Variants in GAN observed in about 807,000 individuals in gnomAD.
GAN encodes the protein epididymis secretory sperm binding protein.
In GAN, 48 loss-of-function variants were observed where a neutral mutation model predicts 71.3. The ratio of observed to expected loss-of-function variants is 0.67; its 90% confidence interval spans 0.53 to 0.86. The LOEUF (loss-of-function observed/expected upper bound fraction) is 0.86. Ranked by LOEUF, GAN falls within the 40% of genes least tolerant of loss-of-function variation. The pLI, the probability that GAN is intolerant of heterozygous loss-of-function variation, is 0.00. For missense variants in GAN, 928 were observed against 770.1 expected (o/e 1.21, Z -2.43); for synonymous variants, 386 against 276.8 (o/e 1.39, Z -3.92).
chr16:81,336,532 C>T (rs995517633), intron 1 of GAN, among the ~76,000 whole-genome samples: 13 of 152,132 alleles, frequency 8.5e-5, no homozygotes, highest in African/African-American at 3.1e-4. Flanking sequence ...GGCATGAGCA[C>T]AGCTCACTGT....
intron 9 of GAN, among the ~76,000 whole-genome samples, chr16:81,372,588 C>G (rs192126418): frequency 6.6e-6 from 1 of 152,168 alleles, no homozygotes; most frequent in African/African-American, 2.4e-5. Context: ...ATCACCTACG[C>G]GTATTTTTCT....
At chr16:81,343,329 G>C (rs1910009096) in intron 1 of GAN, among the ~76,000 whole-genome samples, 1 of 152,074 alleles carries the variant, frequency 6.6e-6, no homozygotes, top group South Asian at 2.1e-4. Context: ...GAGAATTTTA[G>C]GCCAATATCC....
chr16:81,331,795 T>C (rs577387772), intron 1 of GAN, among the ~76,000 whole-genome samples: 15 of 152,236 alleles, frequency 9.9e-5, no homozygotes, highest in Admixed American at 6.5e-4. Context: ...AATTACATTT[T>C]GGGCCGTACG....
rs150342446 is a variant in GAN, at chr16:81,377,530, G to A, written c.1728G>A (p.Ala576=). 1.5e-5 allele frequency: 25 copies of A among 1,614,144 alleles called. No homozygotes were observed. The East Asian group carries it at 3.3e-4, about 22-fold the overall frequency. The change falls in exon 11 of 11, where the codon GCG becomes GCA. Residue 576 remains alanine, a synonymous_variant. Transcript: ENST00000648994. ...RRTGCAALRI[A]NCKLFRLQLQ... is the part of the protein sequence containing the mutation. ...CAGGATGTGCAGCCTTACGCATTGC[G>A]AATTGCAAGCTTTTCCGCCTGCAGC...
intron 2 of GAN, 70 bp downstream of exon 2, chr16:81,351,767 C>T (rs1047056995): frequency 2.5e-6 from 2 of 794,232 alleles, no homozygotes; most frequent in South Asian, 2.7e-5. Context: ...GGTCTCCTTT[C>T]ATCCATTATA....
At chr16:81,361,044 G>A (rs1910656181) in intron 5 of GAN, among the ~76,000 whole-genome samples, 1 of 152,084 alleles carries the variant, frequency 6.6e-6, no homozygotes, top group African/African-American at 2.4e-5. Flanking sequence ...CCAACATGGT[G>A]AAACCCCATC....
chr16:81,343,995 G>A (rs1910033031), intron 1 of GAN, among the ~76,000 whole-genome samples: 1 of 152,142 alleles, frequency 6.6e-6, no homozygotes, highest in East Asian at 1.9e-4. Flanking sequence ...CAAATCATGA[G>A]TGAACTCCCA....
rs1207070874 is a variant in GAN at position 81,328,562 on chromosome 16, A to G, written c.167+13282A>G. ...GACTATATCCCAGATCTGAAGATAGAAACAGATTTGTTATTTGTTGTGTGA... is the reference window on the plus strand; with the variant it reads ...GACTATATCCCAGATCTGAAGATAGGAACAGATTTGTTATTTGTTGTGTGA... On this transcript the variant is annotated intron_variant, in intron 1 of 10. Transcript: ENST00000648994. Among the ~76,000 whole-genome samples, 4 of 152,314 alleles carry G rather than the reference A, an allele frequency of 2.6e-5. No individual in the cohort carries two copies. The East Asian group carries it at 5.8e-4, about 22-fold the overall frequency.
At chr16:81,328,759 G>C (rs993645505) in intron 1 of GAN, among the ~76,000 whole-genome samples, 4 of 151,614 alleles carry the variant, frequency 2.6e-5, no homozygotes, top group African/African-American at 4.9e-5. Flanking sequence ...TGTTAGACTG[G>C]ATTTTAAAGT....
At chr16:81,363,997 T>TA (rs1910765476) in intron 7 of GAN, 54 bp downstream of exon 7, 1 of 1,284,760 alleles carries the variant, frequency 7.8e-7, no homozygotes, top group Non-Finnish European at 1.1e-6. Context: ...ATTTTAAACT[T>TA]AATGTGTCTT....
chr16:81,349,987 A>G (rs1301440204), intron 1 of GAN, among the ~76,000 whole-genome samples: 6 of 152,212 alleles, frequency 3.9e-5, no homozygotes, highest in Admixed American at 2.6e-4. Context: ...TTAGTAAAAA[A>G]TAACAGGAAT....
At chr16:81,316,095 A>C (rs1335319791) in intron 1 of GAN, among the ~76,000 whole-genome samples, 1 of 152,204 alleles carries the variant, frequency 6.6e-6, no homozygotes, top group Non-Finnish European at 1.5e-5. Context: ...CAGGTTAATT[A>C]AAAGGTTGAT....
rs1215907563 is a variant in GAN, at chr16:81,388,560, C to CA, written c.*10964_*10965insA. 2 of 153,458 alleles carry CA rather than the reference C, an allele frequency of 1.3e-5. No homozygotes were observed. The highest frequency in any genetic ancestry group is 3.8e-4 in the East Asian group (2 of 5,230). 9.5% of individuals were successfully genotyped at this position (153,458 alleles called of 1,614,324 possible). A position where few individuals can be genotyped will look rare whatever the true frequency, so the allele number is the denominator to read the frequency against. ...GCCCCAGAGGCCCTCAGGGCTCCCC[C>CA]TCCAAGCCGGGAGGGCAGGCAGGCA... On this transcript the variant is annotated 3_prime_UTR_variant, in exon 11 of 11. Transcript: ENST00000648994.
At position 81,384,875 on chromosome 16, in the gene GAN, G is replaced by C. The variant is rs1468158365; in HGVS notation, c.*7279G>C. The stretch of plus-strand genomic sequence containing the variant: ...CACCAAGTCAGGAGGAAGAAGATGA[G>C]GAGGCTCACCAGTTGTAGGCAAGAC... On this transcript the variant is annotated 3_prime_UTR_variant, in exon 11 of 11. Coordinates refer to ENST00000648994, the MANE Select transcript of GAN (RefSeq NM_022041.4). 1 of 153,504 alleles carries C rather than the reference G, an allele frequency of 6.5e-6. No individual in the cohort carries two copies. Among genetic ancestry groups the C allele is most frequent in the East Asian group, 1.9e-4 (1 of 5,198 alleles). 9.5% of individuals were successfully genotyped at this position (153,504 alleles called of 1,614,324 possible).
chr16:81,365,108 G>A lies in GAN; in HGVS notation c.1371G>A (p.Arg457=), dbSNP rs1910807786. 1 of 1,613,590 alleles carries A rather than the reference G, an allele frequency of 6.2e-7. No homozygotes were observed. The change falls in exon 8 of 11, where the codon AGG becomes AGA. Residue 457 remains arginine, a splice_region_variant and synonymous_variant. Transcript: ENST00000648994. The part of the protein sequence containing the change: ...QWTAICPLKE[R]RFGAVACGVA... ...CTGCCATATGTCCACTAAAAGAGAG[G>A]AGGTACGTGGCTGTGGGGTGGACTT...
At chr16:81,345,610 G>C (rs1478118027) in intron 1 of GAN, among the ~76,000 whole-genome samples, 1 of 152,174 alleles carries the variant, frequency 6.6e-6, no homozygotes, top group East Asian at 1.9e-4. Context: ...TGGGGGCCTA[G>C]GGGAGGGATA....
rs1258332075 is a variant in GAN, at chr16:81,354,667, T to A, written c.545T>A (p.Ile182Asn). 1.2e-6 allele frequency: 2 copies of A among 1,613,584 alleles called. No homozygotes were observed. The highest frequency in any genetic ancestry group is 1.7e-6 in the Non-Finnish European group (2 of 1,179,574). Residue 182 changes from isoleucine (I) to asparagine (N), a missense_variant, in exon 3 of 11, where the codon ATT (isoleucine) becomes AAT (asparagine). Ile to Asn is a moderately radical substitution (Grantham distance 149). Coordinates refer to ENST00000648994, the MANE Select transcript of GAN (RefSeq NM_022041.4). Reference sequence around the variant, plus strand: ...AGTCCTCAAAAGCTTAAAGAAGTGATTTCTCTTGAGAAGTTAAACGTTGGC... The same window carrying A: ...AGTCCTCAAAAGCTTAAAGAAGTGAATTCTCTTGAGAAGTTAAACGTTGGC... The part of the protein sequence containing the change: ...ELSPQKLKEV[I>N]SLEKLNVGNE...
At position 81,388,156 on chromosome 16, in the gene GAN, C is replaced by T. The variant is rs932891983; in HGVS notation, c.*10560C>T. ...TGTTCGGAGTCGTTGTTTTTACTCA[C>T]TCTTCTTGGGATAGCTTTCCCACCC... On this transcript the variant is annotated 3_prime_UTR_variant, in exon 11 of 11. Coordinates refer to ENST00000648994, the MANE Select transcript of GAN (RefSeq NM_022041.4). The T allele has an allele frequency of 6.6e-6, 1 of 152,126 alleles. No individual in the cohort carries two copies. Among genetic ancestry groups the T allele is most frequent in the Non-Finnish European group, 1.5e-5 (1 of 68,058 alleles). The allele number at this position is 152,126 out of a possible 1,614,324, so 9.4% of individuals were successfully genotyped here.
chr16:81,326,776 A>G (rs1021410840), intron 1 of GAN, among the ~76,000 whole-genome samples: 1 of 152,258 alleles, frequency 6.6e-6, no homozygotes. Context: ...GTTACAACAC[A>G]GCGGCAAGTA....
Sources: allele counts gnomAD v4.1 joint callset (sites outside exome capture counted in the v4.1 genomes callset), GRCh38; gene constraint gnomAD v4.1.1; transcripts MANE v1.5; gene names NCBI Gene and HGNC (gene_info 2026-07-23, HGNC 2026-07-21).